The following UBE3D variants were observed in gnomAD, a reference collection of about 807,000 sequenced individuals.
The protein encoded by UBE3D is ubiquitin protein ligase E3D.
UBE3D carries 48 observed loss-of-function variants against 49.6 expected under a neutral mutation model. The observed-to-expected ratio is 0.97, with a 90% CI of 0.77 to 1.23. UBE3D has a LOEUF of 1.23. Ranked by LOEUF, UBE3D falls within the 50% of genes most tolerant of loss-of-function variation. The pLI is 0.00. For synonymous variants in UBE3D, 189 were observed against 174.2 expected (o/e 1.08, Z -0.67); for missense variants, 452 against 468.4 (o/e 0.96, Z 0.32).
intron 9 of UBE3D, among the ~76,000 whole-genome samples, chr6:82,932,340 G>A (rs1054985555): frequency 9.2e-5 from 14 of 151,992 alleles, no homozygotes; most frequent in Admixed American, 3.9e-4. Context: ...AATGATGATT[G>A]TCCATTTAAA....
intron 9 of UBE3D, among the ~76,000 whole-genome samples, chr6:82,920,272 T>C (rs1299727440): frequency 6.6e-6 from 1 of 152,182 alleles, no homozygotes; most frequent in Non-Finnish European, 1.5e-5. Flanking sequence ...TTTTTGGATA[T>C]GACATCCAGA....
chr6:83,016,892 A>G (rs1339280540), intron 8 of UBE3D, among the ~76,000 whole-genome samples: 1 of 152,090 alleles, frequency 6.6e-6, no homozygotes, highest in Non-Finnish European at 1.5e-5. Context: ...GGCTAAGCCA[A>G]TCTAGTCTTT....
chr6:82,889,064 T>C (rs1328893), downstream of UBE3D, among the ~76,000 whole-genome samples: 49,477 of 152,128 alleles, frequency 0.33, 9,414 homozygotes, highest in African/African-American at 0.51. Flanking sequence ...AGTGGTCTTG[T>C]GTATTTAAGA....
At chr6:82,965,055 TC>T (rs1776812316) in intron 8 of UBE3D, among the ~76,000 whole-genome samples, 1 of 152,164 alleles carries the variant, frequency 6.6e-6, no homozygotes. Flanking sequence ...AGTACACAAT[TC>T]CTGAATGCTA....
At chr6:82,993,351 C>CAT (rs10680743) in intron 8 of UBE3D, among the ~76,000 whole-genome samples, 133,077 of 151,992 alleles carry the variant, frequency 0.88, 58,330 homozygotes, top group East Asian at 0.96. Context: ...TATCAGCCGA[C>CAT]AGAAAATGGT....
At chr6:83,056,579 T>C (rs1419651366) in intron 2 of UBE3D, among the ~76,000 whole-genome samples, 2 of 152,198 alleles carry the variant, frequency 1.3e-5, no homozygotes, top group Non-Finnish European at 2.9e-5. Flanking sequence ...CTCTTTTCCC[T>C]ACCCTTTGTT....
chr6:83,008,981 T>TA, intron 8 of UBE3D, among the ~76,000 whole-genome samples: 1 of 152,218 alleles, frequency 6.6e-6, no homozygotes, highest in South Asian at 2.1e-4. Context: ...ATTTGGAGTT[T>TA]AAAAAAACCT....
intron 8 of UBE3D, among the ~76,000 whole-genome samples, chr6:83,015,436 T>C (rs1169061587): frequency 6.6e-6 from 1 of 152,176 alleles, no homozygotes; most frequent in African/African-American, 2.4e-5. Context: ...TTAGAACCTT[T>C]TGTAACTCCC....
In UBE3D at chr6:82,892,956, G is replaced by A; in HGVS notation, c.*66C>T. 6.3e-7 allele frequency: 1 copy of A among 1,584,028 alleles called. No individual in the cohort carries two copies. The highest frequency in any genetic ancestry group is 8.7e-7 in the Non-Finnish European group (1 of 1,153,434). ...GTAATTGATGCCTCCTGAGCTGACTGCTGGCCTCGGTGTGCTCCTGCTTGA... is the reference window on the plus strand; with the variant it reads ...GTAATTGATGCCTCCTGAGCTGACTACTGGCCTCGGTGTGCTCCTGCTTGA... On this transcript the variant is annotated 3_prime_UTR_variant, in exon 10 of 10. Coordinates refer to ENST00000369747, the MANE Select transcript of UBE3D (RefSeq NM_198920.3).
chr6:82,973,868 A>C (rs1275089452), intron 8 of UBE3D, among the ~76,000 whole-genome samples: 1 of 152,100 alleles, frequency 6.6e-6, no homozygotes, highest in African/African-American at 2.4e-5. Context: ...GCAGCATTAG[A>C]TTCTCATAAG....
chr6:83,039,305 T>C (rs1295471284), intron 4 of UBE3D, among the ~76,000 whole-genome samples: 1 of 152,202 alleles, frequency 6.6e-6, no homozygotes, highest in Admixed American at 6.5e-5. Context: ...AGAATAGGTG[T>C]AGGCTGAAGT....
At chr6:83,023,931 T>C (rs764932706) in intron 6 of UBE3D, 38 bp downstream of exon 6, 2 of 1,357,774 alleles carry the variant, frequency 1.5e-6, no homozygotes, top group Non-Finnish European at 2.0e-6. Flanking sequence ...GGGAAAAAAA[T>C]AAATTACAAA....
At chr6:82,944,196 A>T (rs1775232910) in intron 9 of UBE3D, among the ~76,000 whole-genome samples, 1 of 152,098 alleles carries the variant, frequency 6.6e-6, no homozygotes, top group Admixed American at 6.5e-5. Flanking sequence ...TCCAAAAGAG[A>T]CCCCTTCCTT....
intron 9 of UBE3D, among the ~76,000 whole-genome samples, chr6:82,895,481 G>A (rs1045927944): frequency 1.3e-5 from 2 of 152,114 alleles, no homozygotes; most frequent in Non-Finnish European, 2.9e-5. Flanking sequence ...AGAGGCCAGG[G>A]ACGTTCTCCT....
At chr6:82,985,008 C>CTTT (rs70987727) in intron 8 of UBE3D, among the ~76,000 whole-genome samples, 3,116 of 52,844 alleles carry the variant, frequency 0.059, 155 homozygotes, top group East Asian at 0.15. Context: ...TCTTCTTCTT[C>CTTT]TTTTTTTTTT....
chr6:82,890,687 C>A (rs1770963800), downstream of UBE3D, among the ~76,000 whole-genome samples: 1 of 152,122 alleles, frequency 6.6e-6, no homozygotes, highest in African/African-American at 2.4e-5. Context: ...GGCTTGGTTC[C>A]TCCTAAGGCC....
intron 9 of UBE3D, among the ~76,000 whole-genome samples, chr6:82,899,859 T>G (rs1771599739): frequency 6.6e-6 from 1 of 151,332 alleles, no homozygotes; most frequent in Non-Finnish European, 1.5e-5. Flanking sequence ...ACTTTACTAA[T>G]GAGAGCAAAC....
chr6:83,056,284 A>C (rs150643259), intron 2 of UBE3D, among the ~76,000 whole-genome samples: 2 of 151,972 alleles, frequency 1.3e-5, no homozygotes, highest in Non-Finnish European at 2.9e-5. Context: ...CCCAGAAAAC[A>C]CTCCACTGTG....
intron 9 of UBE3D, among the ~76,000 whole-genome samples, chr6:82,916,450 C>T (rs2127730899): frequency 6.6e-6 from 1 of 152,298 alleles, no homozygotes; most frequent in South Asian, 2.1e-4. Flanking sequence ...ATAGGTCACA[C>T]ATCTTATTTA....
Sources: allele counts gnomAD v4.1 joint callset (sites outside exome capture counted in the v4.1 genomes callset), GRCh38; gene constraint gnomAD v4.1.1; transcripts MANE v1.5; gene names NCBI Gene and HGNC (gene_info 2026-07-23, HGNC 2026-07-21).